HTR1F: variants seen among roughly 807,000 people sequenced by gnomAD.
HTR1F encodes the protein 5-hydroxytryptamine receptor 1F.
In HTR1F, 17 loss-of-function variants were observed where a neutral mutation model predicts 24.0. That is an observed-to-expected ratio of 0.71 (90% confidence interval 0.48 to 1.06). The LOEUF is 1.06. Ranked by LOEUF, HTR1F falls within the 50% of genes least tolerant of loss-of-function variation. HTR1F has a pLI of 0.00. For missense variants in HTR1F, 391 were observed against 427.8 expected (o/e 0.91, Z 0.76); for synonymous variants, 186 against 156.8 (o/e 1.19, Z -1.39).
intron 2 of HTR1F, among the ~76,000 whole-genome samples, chr3:87,969,238 C>T (rs6776844): frequency 0.11 from 17,175 of 152,212 alleles, 1,212 homozygotes; most frequent in Non-Finnish European, 0.16. Context: ...AAAAGAGCAC[C>T]GCTATCCTCC....
At chr3:87,915,202 C>T (rs546039964) in intron 2 of HTR1F, among the ~76,000 whole-genome samples, 1 of 152,246 alleles carries the variant, frequency 6.6e-6, no homozygotes, top group Non-Finnish European at 1.5e-5. Context: ...ATCTAAATAA[C>T]AGCCTTCAGG....
At chr3:87,946,617 A>T (rs1308628610) in intron 2 of HTR1F, among the ~76,000 whole-genome samples, 1 of 92,414 alleles carries the variant, frequency 1.1e-5, no homozygotes, top group Non-Finnish European at 2.3e-5. Context: ...GTGTGTATAT[A>T]TATATATATA....
chr3:87,806,697 G>A (rs1704079851), intron 1 of HTR1F, among the ~76,000 whole-genome samples: 1 of 151,882 alleles, frequency 6.6e-6, no homozygotes. Context: ...TGCTTTTGAA[G>A]ACTCAGCCAT....
chr3:87,894,993 G>A (rs1445285344), intron 2 of HTR1F, among the ~76,000 whole-genome samples: 1 of 152,092 alleles, frequency 6.6e-6, no homozygotes, highest in Non-Finnish European at 1.5e-5. Context: ...TATCACTATT[G>A]TAAAGTCAAA....
intron 2 of HTR1F, among the ~76,000 whole-genome samples, chr3:87,985,913 T>G (rs1325078410): frequency 2.6e-5 from 4 of 152,250 alleles, no homozygotes; most frequent in Non-Finnish European, 5.9e-5. Context: ...AAATGCTTCA[T>G]GCAGCTAAAT....
chr3:87,874,325 GT>G (rs1465035092), intron 2 of HTR1F, among the ~76,000 whole-genome samples: 1 of 152,006 alleles, frequency 6.6e-6, no homozygotes, highest in Non-Finnish European at 1.5e-5. Context: ...AGAGAAATCA[GT>G]TTTATTTTCA....
intron 2 of HTR1F, among the ~76,000 whole-genome samples, chr3:87,832,316 CTTT>C (rs60414125): frequency 1.5e-4 from 19 of 125,508 alleles, no homozygotes; most frequent in African/African-American, 4.2e-4. Flanking sequence ...AATATCCCTT[CTTT>C]TTTTTTTTTT....
chr3:87,904,900 G>A (rs1232831259), intron 2 of HTR1F, among the ~76,000 whole-genome samples: 1 of 152,054 alleles, frequency 6.6e-6, no homozygotes, highest in Non-Finnish European at 1.5e-5. Flanking sequence ...TGCTCATAGT[G>A]TCCTACAGCC....
chr3:87,841,462 T>C (rs898846692), intron 2 of HTR1F, among the ~76,000 whole-genome samples: 5 of 151,858 alleles, frequency 3.3e-5, no homozygotes, highest in African/African-American at 1.2e-4. Context: ...TAATCCATTC[T>C]CCCACTAATT....
chr3:87,898,291 T>C (rs1320747309), intron 2 of HTR1F, among the ~76,000 whole-genome samples: 1 of 152,190 alleles, frequency 6.6e-6, no homozygotes, highest in Non-Finnish European at 1.5e-5. Context: ...GGAATTCATC[T>C]TAGGTCTTCT....
chr3:87,989,187 T>G (rs1258951522), intron 2 of HTR1F, among the ~76,000 whole-genome samples: 1 of 152,196 alleles, frequency 6.6e-6, no homozygotes, highest in Non-Finnish European at 1.5e-5. Context: ...ATACTCCAAA[T>G]GTTCTTAATT....
intron 2 of HTR1F, among the ~76,000 whole-genome samples, chr3:87,894,559 C>T (rs1365880646): frequency 2.7e-5 from 2 of 74,660 alleles, no homozygotes; most frequent in African/African-American, 6.1e-5. Context: ...TGCCCAGCCT[C>T]TTTTTTTTTT....
At chr3:87,902,344 G>A (rs541959045) in intron 2 of HTR1F, among the ~76,000 whole-genome samples, 6 of 152,130 alleles carry the variant, frequency 3.9e-5, no homozygotes, top group African/African-American at 1.4e-4. Context: ...AATTGCTCCA[G>A]AAAAATTTAA....
At chr3:87,803,038 AC>A (rs961439107) in intron 1 of HTR1F, among the ~76,000 whole-genome samples, 1 of 152,076 alleles carries the variant, frequency 6.6e-6, no homozygotes, top group Non-Finnish European at 1.5e-5. Flanking sequence ...GTCTATTCTT[AC>A]CTTTCCTAAA....
chr3:87,890,539 GC>G (rs1706055908), intron 2 of HTR1F, among the ~76,000 whole-genome samples: 1 of 137,910 alleles, frequency 7.3e-6, no homozygotes, highest in African/African-American at 2.7e-5. Flanking sequence ...AGCTCCTGAT[GC>G]CTTTTTTTTT....
At chr3:87,980,434 G>A (rs1384287747) in intron 2 of HTR1F, among the ~76,000 whole-genome samples, 1 of 152,196 alleles carries the variant, frequency 6.6e-6, no homozygotes, top group Non-Finnish European at 1.5e-5. Flanking sequence ...GCTAAGTCCA[G>A]GGTTTTTATG....
At chr3:87,921,689 TTTTA>T (rs1447473827) in intron 2 of HTR1F, among the ~76,000 whole-genome samples, 6 of 151,888 alleles carry the variant, frequency 4.0e-5, no homozygotes, top group African/African-American at 9.7e-5. Context: ...AGCTGTATTT[TTTTA>T]TTTGTTAACC....
At chr3:87,935,174 G>T (rs538659009) in intron 2 of HTR1F, among the ~76,000 whole-genome samples, 4 of 152,176 alleles carry the variant, frequency 2.6e-5, no homozygotes, top group African/African-American at 7.2e-5. Flanking sequence ...GGTTCTTAAC[G>T]GTTACTTCAC....
At chr3:87,964,176 T>G (rs1460129146) in intron 2 of HTR1F, among the ~76,000 whole-genome samples, 1 of 152,124 alleles carries the variant, frequency 6.6e-6, no homozygotes, top group African/African-American at 2.4e-5. Context: ...GGATTTGGAT[T>G]AACTATAAAA....
Sources: allele counts gnomAD v4.1 joint callset (sites outside exome capture counted in the v4.1 genomes callset), GRCh38; gene constraint gnomAD v4.1.1; transcripts MANE v1.5; gene names NCBI Gene and HGNC (gene_info 2026-07-23, HGNC 2026-07-21).